The following NTNG1 variants were observed in gnomAD, a reference collection of about 807,000 sequenced individuals.
The protein encoded by NTNG1 is netrin G1.
In NTNG1, 16 loss-of-function variants were observed where a neutral mutation model predicts 54.0. The observed-to-expected ratio is 0.30, with a 90% confidence interval of 0.20 to 0.45. The LOEUF is 0.45. NTNG1 is among the 20% of genes least tolerant of loss of function. The pLI, the probability that NTNG1 is intolerant of heterozygous loss-of-function variation, is 1.00. For missense variants in NTNG1, 530 were observed against 678.7 expected (o/e 0.78, Z 2.43); for synonymous variants, 255 against 263.1 (o/e 0.97, Z 0.30).
chr1:107,296,221 C>G (rs936350077), intron 2 of NTNG1, among the ~76,000 whole-genome samples: 1 of 152,036 alleles, frequency 6.6e-6, no homozygotes, highest in African/African-American at 2.4e-5. Flanking sequence ...TTTTCATATG[C>G]CTTCAATTAA....
At chr1:107,413,109 ATTTCTTTTCTTTTCT>A (rs56024304) in intron 5 of NTNG1, among the ~76,000 whole-genome samples, 4 of 149,646 alleles carry the variant, frequency 2.7e-5, no homozygotes, top group African/African-American at 5.0e-5. Flanking sequence ...TTTCCTGTGG[ATTTCTTTTCTTTTCT>A]TTTCTTTTCT....
At chr1:107,399,798 A>G (rs1672902560) in intron 4 of NTNG1, among the ~76,000 whole-genome samples, 1 of 152,148 alleles carries the variant, frequency 6.6e-6, no homozygotes, top group South Asian at 2.1e-4. Flanking sequence ...ATTGCTGATC[A>G]AGTTAAATTT....
rs550635278 is a variant in NTNG1 at position 107,349,370 on chromosome 1, T to C, written c.887+24448T>C. On this transcript the variant is annotated intron_variant, in intron 3 of 7. Transcript: ENST00000370068. ...TAAATTTTTTTTCTATGCATATATG[T>C]AATTTAAGTTATATGCATAAAATCC... Among the ~76,000 whole-genome samples, 9 of 152,328 alleles carry C rather than the reference T, an allele frequency of 5.9e-5. No homozygotes were observed. In the South Asian group the frequency reaches 1.9e-3, roughly 32 times the overall value.
chr1:107,357,956 A>G (rs1439865515), intron 3 of NTNG1, among the ~76,000 whole-genome samples: 3 of 152,210 alleles, frequency 2.0e-5, no homozygotes, highest in East Asian at 1.9e-4. Flanking sequence ...TTATAGCATT[A>G]TATACTACTC....
intron 2 of NTNG1, among the ~76,000 whole-genome samples, chr1:107,159,684 C>CT (rs2101050003): frequency 6.6e-6 from 1 of 152,232 alleles, no homozygotes; most frequent in Non-Finnish European, 1.5e-5. Flanking sequence ...TAGTGAAAAC[C>CT]TTTTTTAAAA....
intron 5 of NTNG1, among the ~76,000 whole-genome samples, chr1:107,426,749 C>G (rs984939501): frequency 3.3e-5 from 5 of 151,914 alleles, no homozygotes; most frequent in Admixed American, 3.3e-4. Flanking sequence ...AGGAATTGCA[C>G]TGAATTTTAG....
At chr1:107,377,449 C>T (rs1031775158) in intron 3 of NTNG1, among the ~76,000 whole-genome samples, 26 of 152,302 alleles carry the variant, frequency 1.7e-4, no homozygotes, top group African/African-American at 5.1e-4. Flanking sequence ...CACATCTACC[C>T]AGAGAATGCA....
rs1261714656 is a variant in NTNG1, at chr1:107,361,389, A to ATTT, written c.888-33764_888-33763insTTT. Among the ~76,000 whole-genome samples, 579 of 74,540 alleles carry ATTT rather than the reference A, an allele frequency of 7.8e-3. 5 individuals carry two copies. Among genetic ancestry groups the ATTT allele is most frequent in the South Asian group, 9.8e-3 (21 of 2,134 alleles). The allele number at this position is 74,540 out of a possible 152,430, so 48.9% of individuals were successfully genotyped here. On this transcript the variant is annotated intron_variant, in intron 3 of 7. Transcript: ENST00000370068. ...TATATATATACATATATATATATATATATTTTTTTTTTTTTTTGAGACACA... is the reference window on the plus strand; with the variant it reads ...TATATATATACATATATATATATATATTTTATTTTTTTTTTTTTTTGAGACACA...
At chr1:107,451,104 CTTTCT>C (rs935498708) in intron 7 of NTNG1, among the ~76,000 whole-genome samples, 4 of 108,892 alleles carry the variant, frequency 3.7e-5, no homozygotes, top group Non-Finnish European at 6.0e-5. Context: ...TTCTTTCTTT[CTTTCT>C]TTTTTTTTTT....
At chr1:107,226,772 A>C (rs1221403281) in intron 2 of NTNG1, among the ~76,000 whole-genome samples, 5 of 152,114 alleles carry the variant, frequency 3.3e-5, no homozygotes, top group Non-Finnish European at 5.9e-5. Flanking sequence ...CCAGATACCA[A>C]AGACTATCAG....
intron 3 of NTNG1, among the ~76,000 whole-genome samples, chr1:107,393,012 G>A (rs1361337630): frequency 3.3e-5 from 5 of 152,068 alleles, no homozygotes; most frequent in African/African-American, 1.2e-4. Context: ...GAAAAAATAA[G>A]ACTAAACATT....
chr1:107,152,637 G>A lies in NTNG1; in HGVS notation c.246+3798G>A, dbSNP rs7514294. On this transcript the variant is annotated intron_variant, in intron 2 of 7. Transcript: ENST00000370068. ...AGTGCTGATCACTGTAGAAATGGAA[G>A]CCCTTGAGTGCTGCTATGGATTTCA... Among the ~76,000 whole-genome samples, 426 of 152,268 alleles carry A rather than the reference G, an allele frequency of 2.8e-3. 3 individuals are homozygous for A. The highest frequency in any genetic ancestry group is 9.9e-3 in the African/African-American group (410 of 41,558).
intron 7 of NTNG1, among the ~76,000 whole-genome samples, chr1:107,442,413 T>TA (rs1173770317): frequency 2.0e-5 from 3 of 151,804 alleles, no homozygotes; most frequent in Admixed American, 1.3e-4. Flanking sequence ...AGACTACCTA[T>TA]AAAAAAAAGA....
At chr1:107,232,589 CG>C (rs1469565430) in intron 2 of NTNG1, among the ~76,000 whole-genome samples, 2 of 152,068 alleles carry the variant, frequency 1.3e-5, no homozygotes, top group East Asian at 1.9e-4. Flanking sequence ...GGACCTTAAA[CG>C]GTATATTTAT....
intron 2 of NTNG1, among the ~76,000 whole-genome samples, chr1:107,190,727 T>C (rs556840408): frequency 6.6e-6 from 1 of 152,314 alleles, no homozygotes; most frequent in East Asian, 1.9e-4. Context: ...GTTTCCACCT[T>C]CATCCATGTC....
chr1:107,324,551 G>A lies in NTNG1; in HGVS notation c.516G>A (p.Trp172Ter). Residue 172 changes from tryptophan to a stop codon, truncating the protein, a stop_gained, in exon 3 of 8, where the codon TGG (tryptophan) becomes TGA (stop). Coordinates refer to ENST00000370068, the MANE Select transcript of NTNG1 (RefSeq NM_001113226.3). LOFTEE classifies it high-confidence loss of function. ...AGTCTCTCGATTATGGACGAACATG[G>A]CAGCCCTATCAGTATTATGCCACAG... ...LEKSLDYGRT[W>*]QPYQYYATDC... 1 of 1,613,724 alleles carries A rather than the reference G, an allele frequency of 6.2e-7. No homozygotes were observed. Among genetic ancestry groups the A allele is most frequent in the Non-Finnish European group, 8.5e-7 (1 of 1,179,862 alleles).
chr1:107,330,553 A>G (rs1487049790), intron 3 of NTNG1, among the ~76,000 whole-genome samples: 1 of 152,132 alleles, frequency 6.6e-6, no homozygotes, highest in Admixed American at 6.6e-5. Flanking sequence ...AAGACTTCCT[A>G]GTGAATTGGA....
intron 5 of NTNG1, 151 bp downstream of exon 5, chr1:107,407,859 C>T (rs1673541291): frequency 1.3e-6 from 1 of 773,272 alleles, no homozygotes; most frequent in Admixed American, 1.7e-5. Context: ...TGGTTTTCTG[C>T]ACAGATCTGG....
intron 3 of NTNG1, among the ~76,000 whole-genome samples, chr1:107,347,526 C>CAACAA (rs1036219070): frequency 5.9e-5 from 9 of 151,980 alleles, no homozygotes; most frequent in African/African-American, 1.7e-4. Flanking sequence ...TAAAAACAAA[C>CAACAA]AACAAAACAA....
Sources: allele counts gnomAD v4.1 joint callset (sites outside exome capture counted in the v4.1 genomes callset), GRCh38; gene constraint gnomAD v4.1.1; transcripts MANE v1.5; gene names NCBI Gene and HGNC (gene_info 2026-07-23, HGNC 2026-07-21).